The following RIT2 variants were observed in gnomAD, a reference collection of about 807,000 sequenced individuals.
RIT2 encodes Ras like without CAAX 2, also known as GTP-binding protein Rit2.
RIT2 carries 24 observed loss-of-function variants against 23.7 expected under a neutral mutation model. That is an observed-to-expected ratio of 1.01 (90% CI 0.73 to 1.43). The LOEUF is 1.43. RIT2 is among the 40% of genes most tolerant of loss of function. RIT2 has a pLI of 0.00. For missense variants in RIT2, 236 were observed against 266.9 expected (o/e 0.88, Z 0.81); for synonymous variants, 107 against 91.1 (o/e 1.17, Z -0.99).
In RIT2 at chr18:42,863,489, C is replaced by A. The variant is rs187934947; in HGVS notation, c.426+60083G>T. ...TTTTACCAGTGAAGAAGAAAATTCT[C>A]CCACTACACCTTTCCTGGTCTCTGT... On this transcript the variant is annotated intron_variant, in intron 4 of 4. Coordinates refer to ENST00000326695, the MANE Select transcript of RIT2 (RefSeq NM_002930.4). Among the ~76,000 whole-genome samples the A allele has an allele frequency of 4.9e-4, 75 of 152,194 alleles. 1 individual carries two copies. The highest frequency in any genetic ancestry group is 4.2e-3 in the Admixed American group (64 of 15,286).
intron 3 of RIT2, among the ~76,000 whole-genome samples, chr18:42,955,917 C>A (rs1182193261): frequency 6.6e-6 from 1 of 152,084 alleles, no homozygotes; most frequent in Non-Finnish European, 1.5e-5. Flanking sequence ...CTGGAAAATT[C>A]ATTTAGTCTT....
rs765925529 is a variant in RIT2 at position 43,090,413 on chromosome 18, G to A, written c.103+25004C>T. ...CGTGGAGAAAAAGAAACACTTATAC[G>A]CTGTTGATGGAAGTGTAAATAGTTC... On this transcript the variant is annotated intron_variant, in intron 1 of 4. Coordinates refer to ENST00000326695, the MANE Select transcript of RIT2 (RefSeq NM_002930.4). 7.2e-5 allele frequency among the ~76,000 whole-genome samples: 11 copies of A among 151,934 alleles called. No homozygotes were observed. In the East Asian group the frequency reaches 1.9e-3, roughly 27 times the overall value.
intron 4 of RIT2, among the ~76,000 whole-genome samples, chr18:42,782,172 C>T: frequency 6.6e-6 from 1 of 152,088 alleles, no homozygotes; most frequent in East Asian, 1.9e-4. Context: ...ATTTAACCAT[C>T]CATTCAATTG....
chr18:42,851,049 A>C (rs1482427162), intron 4 of RIT2, among the ~76,000 whole-genome samples: 1 of 152,246 alleles, frequency 6.6e-6, no homozygotes, highest in East Asian at 1.9e-4. Context: ...GAAAATAAAG[A>C]AAATAAATGA....
chr18:42,939,988 C>T (rs1268593988), intron 3 of RIT2, among the ~76,000 whole-genome samples: 1 of 151,738 alleles, frequency 6.6e-6, no homozygotes, highest in Admixed American at 6.6e-5. Flanking sequence ...TGAATGAAGG[C>T]CTGATAGGGT....
chr18:43,060,729 C>T (rs1174288910), intron 1 of RIT2, among the ~76,000 whole-genome samples: 1 of 152,140 alleles, frequency 6.6e-6, no homozygotes, highest in Admixed American at 6.6e-5. Flanking sequence ...AGTAGATGAA[C>T]TAAAACACAG....
intron 4 of RIT2, among the ~76,000 whole-genome samples, chr18:42,851,873 G>A (rs1222215751): frequency 1.3e-5 from 2 of 152,020 alleles, no homozygotes; most frequent in Non-Finnish European, 2.9e-5. Context: ...TAAAAGACAG[G>A]TAAGGGTCTC....
chr18:42,779,845 C>G (rs1266101842), intron 4 of RIT2, among the ~76,000 whole-genome samples: 2 of 152,102 alleles, frequency 1.3e-5, no homozygotes, highest in South Asian at 4.1e-4. Flanking sequence ...GACTTTGCCA[C>G]TAACTGCTCT....
At chr18:42,786,389 A>G (rs1913922837) in intron 4 of RIT2, among the ~76,000 whole-genome samples, 1 of 152,186 alleles carries the variant, frequency 6.6e-6, no homozygotes, top group South Asian at 2.1e-4. Context: ...CATGAAGTAA[A>G]TATATTTATA....
At chr18:42,786,758 C>A (rs1913931228) in intron 4 of RIT2, among the ~76,000 whole-genome samples, 1 of 152,130 alleles carries the variant, frequency 6.6e-6, no homozygotes, top group African/African-American at 2.4e-5. Context: ...AATGCTATGA[C>A]TTCGTGTCAC....
intron 4 of RIT2, among the ~76,000 whole-genome samples, chr18:42,787,773 G>A (rs1913954557): frequency 6.6e-6 from 1 of 151,954 alleles, no homozygotes. Context: ...GAATCCTAAT[G>A]GTTTAAAGCA....
At chr18:43,056,714 A>T (rs1912511116) in intron 1 of RIT2, among the ~76,000 whole-genome samples, 1 of 152,150 alleles carries the variant, frequency 6.6e-6, no homozygotes, top group South Asian at 2.1e-4. Context: ...TGGAGACTAC[A>T]GAGATGTATA....
chr18:42,837,128 TA>T, intron 4 of RIT2, among the ~76,000 whole-genome samples: 1 of 141,998 alleles, frequency 7.0e-6, no homozygotes, highest in South Asian at 2.3e-4. Flanking sequence ...TAAAGTGCTA[TA>T]AAAATTTCTT....
chr18:42,962,925 T>G (rs544402187), intron 3 of RIT2, among the ~76,000 whole-genome samples: 1 of 152,280 alleles, frequency 6.6e-6, no homozygotes, highest in East Asian at 1.9e-4. Flanking sequence ...ATTTTTTACC[T>G]ACTTTTGAGG....
At chr18:43,038,815 A>G (rs532513445) in intron 1 of RIT2, among the ~76,000 whole-genome samples, 3 of 151,002 alleles carry the variant, frequency 2.0e-5, no homozygotes, top group African/African-American at 7.3e-5. Flanking sequence ...TGTTTGTGTC[A>G]CCTTTTTTTC....
intron 1 of RIT2, among the ~76,000 whole-genome samples, chr18:43,038,785 C>T (rs1912053135): frequency 6.6e-6 from 1 of 151,848 alleles, no homozygotes; most frequent in Non-Finnish European, 1.5e-5. Flanking sequence ...CTTTTTTCTT[C>T]TTAGGGTAGT....
At chr18:43,048,794 G>C (rs962173742) in intron 1 of RIT2, among the ~76,000 whole-genome samples, 4 of 152,012 alleles carry the variant, frequency 2.6e-5, no homozygotes, top group Admixed American at 2.6e-4. Context: ...TGTCCCATCT[G>C]TTTGAAATAT....
intron 1 of RIT2, among the ~76,000 whole-genome samples, chr18:43,107,333 A>G (rs1331958567): frequency 1.3e-5 from 2 of 152,136 alleles, no homozygotes; most frequent in Non-Finnish European, 1.5e-5. Flanking sequence ...GTCTGTTTAT[A>G]CATCTTGTTT....
intron 4 of RIT2, among the ~76,000 whole-genome samples, chr18:42,877,025 A>G (rs1257127929): frequency 1.3e-5 from 2 of 151,910 alleles, no homozygotes; most frequent in Non-Finnish European, 2.9e-5. Flanking sequence ...TTAGCCACAG[A>G]GAACATTTAT....
Sources: gnomAD v4.1 joint callset for allele counts (sites outside exome capture counted in the v4.1 genomes callset) on GRCh38, gnomAD v4.1.1 for gene constraint, MANE v1.5 for transcripts, NCBI Gene and HGNC (gene_info 2026-07-23, HGNC 2026-07-21) for gene names.